Variants in ANKS1B observed in about 807,000 individuals in gnomAD.
ANKS1B encodes the protein ankyrin repeat and sterile alpha motif domain containing 1B.
In ANKS1B, 36 loss-of-function variants were observed where a neutral mutation model predicts 148.3. The observed-to-expected ratio is 0.24, with a 90% CI of 0.19 to 0.32. ANKS1B has a LOEUF of 0.32. Among genes scored for constraint, ANKS1B ranks in the 10% least tolerant of loss-of-function variants. The pLI is 1.00. For missense variants in ANKS1B, 1,157 were observed against 1,542.6 expected, an observed-to-expected ratio of 0.75 and a Z score of 4.19; for synonymous variants, 542 against 560.8, an observed-to-expected ratio of 0.97 and a Z score of 0.47.
At chr12:99,289,450 A>C (rs2079600674) in intron 12 of ANKS1B, among the ~76,000 whole-genome samples, 1 of 152,082 alleles carries the variant, frequency 6.6e-6, no homozygotes, top group East Asian at 1.9e-4. Flanking sequence ...CATTTCATCC[A>C]ATGGCTGCAG....
At chr12:99,180,203 A>G (rs1240775682) in intron 14 of ANKS1B, among the ~76,000 whole-genome samples, 1 of 152,164 alleles carries the variant, frequency 6.6e-6, no homozygotes, top group African/African-American at 2.4e-5. Flanking sequence ...TCTTCTTCTT[A>G]TAAACTCCCA....
intron 15 of ANKS1B, among the ~76,000 whole-genome samples, chr12:99,123,482 G>A (rs1566240609): frequency 6.6e-6 from 1 of 151,950 alleles, no homozygotes; most frequent in Non-Finnish European, 1.5e-5. Flanking sequence ...ATATGAAGGG[G>A]AGTTTATTAA....
At chr12:99,961,827 G>A (rs1362466313) in intron 1 of ANKS1B, among the ~76,000 whole-genome samples, 1 of 152,142 alleles carries the variant, frequency 6.6e-6, no homozygotes, top group Non-Finnish European at 1.5e-5. Flanking sequence ...ATGTTCCCTT[G>A]TTCTGCTGAT....
chr12:98,891,594 T>A (rs2099752876), intron 17 of ANKS1B, among the ~76,000 whole-genome samples: 1 of 152,188 alleles, frequency 6.6e-6, no homozygotes, highest in Admixed American at 6.5e-5. Flanking sequence ...TGCATTCACG[T>A]AAATGTTCTT....
chr12:99,647,506 A>G (rs1350559954), intron 9 of ANKS1B, among the ~76,000 whole-genome samples: 1 of 152,188 alleles, frequency 6.6e-6, no homozygotes, highest in African/African-American at 2.4e-5. Flanking sequence ...TGCCTTGCAC[A>G]GAAAATTTAC....
At chr12:99,756,962 A>C (rs2061625658) in intron 8 of ANKS1B, among the ~76,000 whole-genome samples, 1 of 146,112 alleles carries the variant, frequency 6.8e-6, no homozygotes, top group Non-Finnish European at 1.5e-5. Flanking sequence ...TGGATTAAAG[A>C]CTTAAATGTA....
At chr12:99,102,617 A>C (rs1600057469) in intron 15 of ANKS1B, among the ~76,000 whole-genome samples, 2 of 152,182 alleles carry the variant, frequency 1.3e-5, no homozygotes, top group African/African-American at 4.8e-5. Flanking sequence ...GGTGGCATGC[A>C]CCTGTAGTCC....
intron 1 of ANKS1B, among the ~76,000 whole-genome samples, chr12:99,965,689 C>T (rs2095476332): frequency 1.3e-5 from 2 of 152,058 alleles, no homozygotes; most frequent in East Asian, 1.9e-4. Flanking sequence ...TCTGGATGGC[C>T]GAGGCAGGCA....
chr12:99,855,506 A>G (rs973863942), intron 1 of ANKS1B, among the ~76,000 whole-genome samples: 8 of 152,180 alleles, frequency 5.3e-5, no homozygotes, highest in Non-Finnish European at 1.0e-4. Flanking sequence ...CAAACCATTA[A>G]GACAAAAAGT....
intron 16 of ANKS1B, among the ~76,000 whole-genome samples, chr12:99,081,624 G>A (rs1260281645): frequency 6.6e-6 from 1 of 152,144 alleles, no homozygotes; most frequent in African/African-American, 2.4e-5. Flanking sequence ...TGTGTGCAGA[G>A]TGAGCTCTTC....
intron 12 of ANKS1B, among the ~76,000 whole-genome samples, chr12:99,267,365 C>G (rs913654146): frequency 6.6e-6 from 1 of 152,152 alleles, no homozygotes; most frequent in Non-Finnish European, 1.5e-5. Flanking sequence ...CTCTCTCTCT[C>G]TCTTGCTACA....
chr12:99,180,028 G>A (rs2078931921), intron 14 of ANKS1B, among the ~76,000 whole-genome samples: 1 of 151,898 alleles, frequency 6.6e-6, no homozygotes, highest in Non-Finnish European at 1.5e-5. Context: ...TTCATTACCT[G>A]CCTCATGGCT....
At chr12:99,329,561 A>G (rs1015423719) in intron 12 of ANKS1B, among the ~76,000 whole-genome samples, 1 of 151,900 alleles carries the variant, frequency 6.6e-6, no homozygotes, top group Non-Finnish European at 1.5e-5. Flanking sequence ...TTTGTACAGT[A>G]TATGTAGTAT....
At chr12:99,123,872 C>T (rs61185289) in intron 15 of ANKS1B, among the ~76,000 whole-genome samples, 7,761 of 152,170 alleles carry the variant, frequency 0.051, 414 homozygotes, top group African/African-American at 0.13. Flanking sequence ...CTGACTTTGG[C>T]AACACCCTCA....
chr12:99,086,747 T>C (rs1273876980), intron 15 of ANKS1B, among the ~76,000 whole-genome samples: 1 of 152,224 alleles, frequency 6.6e-6, no homozygotes. Context: ...ACAGAGTTTC[T>C]CTTTAAATTG....
intron 12 of ANKS1B, among the ~76,000 whole-genome samples, chr12:99,334,712 C>T (rs2088405484): frequency 6.6e-6 from 1 of 151,838 alleles, no homozygotes; most frequent in African/African-American, 2.4e-5. Context: ...CATTTTTTTC[C>T]ATTCTCCTCC....
intron 17 of ANKS1B, among the ~76,000 whole-genome samples, chr12:98,839,993 G>C (rs765404436): frequency 3.9e-5 from 6 of 152,164 alleles, no homozygotes; most frequent in Admixed American, 2.0e-4. Context: ...TAGTGTCACT[G>C]CATCTCAGGG....
intron 16 of ANKS1B, among the ~76,000 whole-genome samples, chr12:99,082,838 G>T (rs2050282172): frequency 6.6e-6 from 1 of 152,178 alleles, no homozygotes; most frequent in Non-Finnish European, 1.5e-5. Context: ...ATGTGACAAA[G>T]CAAGTAGTCA....
intron 17 of ANKS1B, among the ~76,000 whole-genome samples, chr12:99,031,453 G>C (rs972906960): frequency 6.6e-6 from 1 of 152,182 alleles, no homozygotes; most frequent in Non-Finnish European, 1.5e-5. Context: ...TGCAGAGCCT[G>C]GAAAAAGCTA....
Sources: allele counts gnomAD v4.1 joint callset (sites outside exome capture counted in the v4.1 genomes callset), GRCh38; gene constraint gnomAD v4.1.1; transcripts MANE v1.5; gene names NCBI Gene and HGNC (gene_info 2026-07-23, HGNC 2026-07-21).